Variants in NRXN3 observed in about 807,000 individuals in gnomAD.
The protein encoded by NRXN3 is neurexin III.
In NRXN3, 32 loss-of-function variants were observed where a neutral mutation model predicts 137.6. That is an observed-to-expected ratio of 0.23 (90% CI 0.18 to 0.31). NRXN3 has a LOEUF of 0.31. NRXN3 is among the 10% of genes least tolerant of loss of function. The pLI, the probability that NRXN3 is intolerant of heterozygous loss-of-function variation, is 1.00. For synonymous variants in NRXN3, 798 were observed against 784.5 expected, an observed-to-expected ratio of 1.02 and a Z score of -0.29; for missense variants, 1,574 against 2,062.5, an observed-to-expected ratio of 0.76 and a Z score of 4.59.
chr14:78,324,959 G>A (rs934174427), intron 4 of NRXN3, among the ~76,000 whole-genome samples: 2 of 151,860 alleles, frequency 1.3e-5, no homozygotes, highest in African/African-American at 2.4e-5. Flanking sequence ...ACATTCATAC[G>A]TGATGCTAAA....
intron 15 of NRXN3, among the ~76,000 whole-genome samples, chr14:79,352,921 A>G (rs565231545): frequency 6.6e-6 from 1 of 152,274 alleles, no homozygotes; most frequent in Non-Finnish European, 1.5e-5. Flanking sequence ...TCTGAAATCA[A>G]AATGTTTATT....
chr14:79,620,440 G>A lies in NRXN3; in HGVS notation c.3445-43338G>A, dbSNP rs548423690. 1.2e-4 allele frequency among the ~76,000 whole-genome samples: 18 copies of A among 152,228 alleles called. No homozygotes were observed. In the South Asian group the frequency reaches 3.1e-3, roughly 26 times the overall value. On this transcript the variant is annotated intron_variant, in intron 16 of 20. Transcript: ENST00000335750. ...TAAGAACATGAGCAAAGATGGATGAGAATAGGGTGAGTGTGAAGGGAAAAC... is the reference window on the plus strand; with the variant it reads ...TAAGAACATGAGCAAAGATGGATGAAAATAGGGTGAGTGTGAAGGGAAAAC...
At chr14:78,986,266 T>C (rs1470655213) in intron 14 of NRXN3, among the ~76,000 whole-genome samples, 1 of 152,178 alleles carries the variant, frequency 6.6e-6, no homozygotes, top group Non-Finnish European at 1.5e-5. Flanking sequence ...ATACATTTGG[T>C]GAGTCAAAGG....
chr14:78,598,242 A>T (rs1368827606), intron 4 of NRXN3, among the ~76,000 whole-genome samples: 1 of 152,144 alleles, frequency 6.6e-6, no homozygotes, highest in Admixed American at 6.5e-5. Context: ...AGAATGCAGT[A>T]GCATACCCAG....
At position 78,508,440 on chromosome 14, in the gene NRXN3, A is replaced by C. The variant is rs2096039473; in HGVS notation, c.758-136680A>C. On this transcript the variant is annotated intron_variant, in intron 4 of 20. Coordinates refer to ENST00000335750, the MANE Select transcript of NRXN3 (RefSeq NM_001330195.2). ...TACTTGATCTCTGGCTTTCCTGGTGAGATGGGTTTTTATAAGCTCTTCCCA... is the reference window on the plus strand; with the variant it reads ...TACTTGATCTCTGGCTTTCCTGGTGCGATGGGTTTTTATAAGCTCTTCCCA... 2.6e-5 allele frequency among the ~76,000 whole-genome samples: 4 copies of C among 152,068 alleles called. 1 individual carries two copies. Among genetic ancestry groups the C allele is most frequent in the Non-Finnish European group, 5.9e-5 (4 of 68,010 alleles).
chr14:79,693,666 A>G (rs1430739551), intron 18 of NRXN3, among the ~76,000 whole-genome samples: 1 of 151,784 alleles, frequency 6.6e-6, no homozygotes, highest in East Asian at 1.9e-4. Flanking sequence ...TTTCATTTGT[A>G]TAAACCATTA....
At chr14:79,654,937 G>A (rs181202937) in intron 16 of NRXN3, among the ~76,000 whole-genome samples, 7 of 152,140 alleles carry the variant, frequency 4.6e-5, no homozygotes, top group Admixed American at 3.3e-4. Context: ...ATCACTAAAA[G>A]TTTCCTCACA....
intron 15 of NRXN3, among the ~76,000 whole-genome samples, chr14:79,130,424 T>C (rs1298643713): frequency 5.3e-5 from 8 of 152,080 alleles, no homozygotes; most frequent in Non-Finnish European, 1.2e-4. Flanking sequence ...ATTTTATTTC[T>C]CCTTCACTTA....
At chr14:78,468,565 C>A (rs1339083029) in intron 4 of NRXN3, among the ~76,000 whole-genome samples, 2 of 152,130 alleles carry the variant, frequency 1.3e-5, no homozygotes, top group East Asian at 3.9e-4. Flanking sequence ...CATGTTAGAG[C>A]TGGCAGACTA....
intron 10 of NRXN3, among the ~76,000 whole-genome samples, chr14:78,902,172 C>G (rs2099198690): frequency 1.3e-5 from 2 of 152,030 alleles, no homozygotes; most frequent in African/African-American, 4.8e-5. Flanking sequence ...TTTTCTGGCA[C>G]AGGCATCTCA....
At chr14:79,747,587 C>T (rs900502929) in intron 19 of NRXN3, among the ~76,000 whole-genome samples, 1 of 152,016 alleles carries the variant, frequency 6.6e-6, no homozygotes, top group Non-Finnish European at 1.5e-5. Flanking sequence ...CTACTAAAGC[C>T]GTGTAGTAAA....
At chr14:79,518,628 T>A (rs1456348152) in intron 16 of NRXN3, among the ~76,000 whole-genome samples, 1 of 152,174 alleles carries the variant, frequency 6.6e-6, no homozygotes, top group East Asian at 1.9e-4. Context: ...TTCTGAGAAC[T>A]CCAGGTGCTC....
chr14:78,788,278 T>C (rs893400006), intron 8 of NRXN3, among the ~76,000 whole-genome samples: 6 of 6,448 alleles, frequency 9.3e-4, no homozygotes, highest in African/African-American at 1.1e-3. Flanking sequence ...GTACTGAGCA[T>C]GGTATTATCA....
At chr14:79,162,161 CTTTAAG>C (rs1341785377) in intron 15 of NRXN3, among the ~76,000 whole-genome samples, 2 of 145,596 alleles carry the variant, frequency 1.4e-5, no homozygotes, top group African/African-American at 5.1e-5. Flanking sequence ...TATTATTATA[CTTTAAG>C]TTTTAGGGTA....
Position 78,439,379 on chromosome 14 carries a change from G to A in NRXN3, c.757+141519G>A, listed in dbSNP as rs190428385. On this transcript the variant is annotated intron_variant, in intron 4 of 20. Transcript: ENST00000335750. ...GCATTGGTGAAGAACAAGGATAAAC[G>A]TGGTAATGTCTACAGCACATTGAGC... 2.0e-5 allele frequency among the ~76,000 whole-genome samples: 3 copies of A among 152,316 alleles called. No homozygotes were observed. In the East Asian group the frequency reaches 5.8e-4, roughly 29 times the overall value.
chr14:79,511,016 G>A (rs1278864360), intron 16 of NRXN3, among the ~76,000 whole-genome samples: 4 of 152,146 alleles, frequency 2.6e-5, no homozygotes, highest in East Asian at 1.9e-4. Context: ...TGTTAACAAC[G>A]TTAAGGGCAT....
At chr14:79,332,413 C>A (rs1381031933) in intron 15 of NRXN3, among the ~76,000 whole-genome samples, 1 of 152,138 alleles carries the variant, frequency 6.6e-6, no homozygotes, top group African/African-American at 2.4e-5. Flanking sequence ...AGTTCCAGTC[C>A]GCAATACGTC....
chr14:78,963,415 T>A (rs2099411945), intron 11 of NRXN3, among the ~76,000 whole-genome samples: 1 of 152,066 alleles, frequency 6.6e-6, no homozygotes, highest in East Asian at 1.9e-4. Context: ...ATAGTTCAGT[T>A]TCTCTGTTTC....
At chr14:78,533,629 C>T (rs948986483) in intron 4 of NRXN3, among the ~76,000 whole-genome samples, 1 of 152,172 alleles carries the variant, frequency 6.6e-6, no homozygotes, top group Non-Finnish European at 1.5e-5. Flanking sequence ...CTCATGTTTG[C>T]GGTTTGTGGG....
Sources: gnomAD v4.1 joint callset for allele counts (sites outside exome capture counted in the v4.1 genomes callset) on GRCh38, gnomAD v4.1.1 for gene constraint, MANE v1.5 for transcripts, NCBI Gene and HGNC (gene_info 2026-07-23, HGNC 2026-07-21) for gene names.